PPARG: variants seen among roughly 807,000 people sequenced by gnomAD.
The protein encoded by PPARG is peroxisome proliferator-activated receptor gamma.
In PPARG, 17 loss-of-function variants were observed where a neutral mutation model predicts 39.2. The ratio of observed to expected loss-of-function variants is 0.43; its 90% CI spans 0.30 to 0.65. PPARG has a LOEUF of 0.65. PPARG is among the 30% of genes least tolerant of loss of function. PPARG has a pLI of 0.13. For synonymous variants in PPARG, 223 were observed against 215.7 expected (o/e 1.03, Z -0.30); for missense variants, 406 against 585.9 (o/e 0.69, Z 3.17).
intron 2 of PPARG, among the ~76,000 whole-genome samples, chr3:12,362,227 A>ATC (rs1254765274): frequency 6.6e-6 from 1 of 152,140 alleles, no homozygotes; most frequent in Non-Finnish European, 1.5e-5. Context: ...ATTTTTAAAA[A>ATC]CACAGTCTGC....
chr3:12,350,695 C>T (rs1356907022), intron 2 of PPARG, among the ~76,000 whole-genome samples: 1 of 152,166 alleles, frequency 6.6e-6, no homozygotes, highest in Non-Finnish European at 1.5e-5. Context: ...AACCTAACAG[C>T]GTAAGTCTAT....
At chr3:12,335,187 G>A (rs1047990978) in intron 2 of PPARG, among the ~76,000 whole-genome samples, 1 of 152,216 alleles carries the variant, frequency 6.6e-6, no homozygotes, top group African/African-American at 2.4e-5. Context: ...TGTGAGCACT[G>A]GTACCATCAA....
intron 4 of PPARG, among the ~76,000 whole-genome samples, chr3:12,386,862 C>T (rs949946926): frequency 6.6e-6 from 1 of 151,954 alleles, no homozygotes; most frequent in African/African-American, 2.4e-5. Flanking sequence ...AATGCTATCC[C>T]TCCCCCAACC....
intron 1 of PPARG, among the ~76,000 whole-genome samples, chr3:12,310,107 A>T (rs1476719321): frequency 6.6e-6 from 1 of 152,188 alleles, no homozygotes; most frequent in Non-Finnish European, 1.5e-5. Flanking sequence ...GATACAGTGC[A>T]GTTCTGAATG....
intron 2 of PPARG, among the ~76,000 whole-genome samples, chr3:12,344,506 G>T (rs2048274321): frequency 6.6e-6 from 1 of 152,274 alleles, no homozygotes; most frequent in East Asian, 1.9e-4. Context: ...TCAAAATTAA[G>T]TTTATTATGT....
intron 1 of PPARG, among the ~76,000 whole-genome samples, chr3:12,297,249 A>G (rs2046810285): frequency 6.6e-6 from 1 of 152,216 alleles, no homozygotes; most frequent in Non-Finnish European, 1.5e-5. Context: ...AACTCTGAAG[A>G]ATATTTAAAA....
intron 1 of PPARG, among the ~76,000 whole-genome samples, chr3:12,298,298 C>CAAAAAAAAAAAAAAAAA (rs58459399): frequency 7.3e-5 from 3 of 41,358 alleles, no homozygotes; most frequent in African/African-American, 1.6e-4. Context: ...GACTCTGTCT[C>CAAAAAAAAAAAAAAAAA]AAAAAAAAAA....
chr3:12,316,202 C>A (rs1559490869), intron 2 of PPARG, among the ~76,000 whole-genome samples: 1 of 152,090 alleles, frequency 6.6e-6, no homozygotes, highest in African/African-American at 2.4e-5. Flanking sequence ...CGTACTTTGG[C>A]GTCTGAAAAT....
intron 2 of PPARG, among the ~76,000 whole-genome samples, chr3:12,313,970 C>T (rs1467477576): frequency 6.6e-6 from 1 of 152,086 alleles, no homozygotes; most frequent in Non-Finnish European, 1.5e-5. Context: ...ATGCAACTTC[C>T]ACTAATACTA....
At chr3:12,394,748 G>A (rs1464270170) in intron 5 of PPARG, among the ~76,000 whole-genome samples, 2 of 152,162 alleles carry the variant, frequency 1.3e-5, no homozygotes, top group Non-Finnish European at 2.9e-5. Context: ...GATTAGTTTT[G>A]CCTGTTAGCT....
rs1575090510 is a variant in PPARG, at chr3:12,382,935, C to T, written c.390+1444C>T. Among the ~76,000 whole-genome samples the T allele has an allele frequency of 2.6e-5, 4 of 152,254 alleles. No individual in the cohort carries two copies. The South Asian group carries it at 6.2e-4, about 24-fold the overall frequency. On this transcript the variant is annotated intron_variant, in intron 4 of 7. Coordinates refer to ENST00000651735, the MANE Select transcript of PPARG (RefSeq NM_138711.6). ...GCAGTGAGCTATGATCATACCACTGCACTCCAGCCTGGGTCACAAAAGCAA... is the reference window on the plus strand; with the variant it reads ...GCAGTGAGCTATGATCATACCACTGTACTCCAGCCTGGGTCACAAAAGCAA...
At chr3:12,374,640 A>T (rs1274275669) in intron 2 of PPARG, among the ~76,000 whole-genome samples, 1 of 152,122 alleles carries the variant, frequency 6.6e-6, no homozygotes, top group Non-Finnish European at 1.5e-5. Context: ...ACTATGCAAC[A>T]GAAAGAGCAA....
At chr3:12,337,823 A>G (rs1322389166) in intron 2 of PPARG, among the ~76,000 whole-genome samples, 1 of 152,246 alleles carries the variant, frequency 6.6e-6, no homozygotes, top group East Asian at 1.9e-4. Flanking sequence ...AATACGGTAT[A>G]AACAACTATT....
chr3:12,303,219 T>G (rs1433321940), intron 1 of PPARG, among the ~76,000 whole-genome samples: 1 of 151,644 alleles, frequency 6.6e-6, no homozygotes, highest in East Asian at 1.9e-4. Flanking sequence ...TTTTTGGAGA[T>G]GGAGTCTCAC....
At chr3:12,307,055 G>A (rs182907398) in intron 1 of PPARG, among the ~76,000 whole-genome samples, 27 of 128,694 alleles carry the variant, frequency 2.1e-4, no homozygotes, top group Non-Finnish European at 3.9e-4. Context: ...CCGAGATCGC[G>A]CCACTGCACT....
At chr3:12,292,808 G>C (rs369618529) in intron 1 of PPARG, among the ~76,000 whole-genome samples, 2 of 152,136 alleles carry the variant, frequency 1.3e-5, no homozygotes, top group East Asian at 1.9e-4. Context: ...GCTTGTGTGC[G>C]TGGGCCCCGG....
chr3:12,390,449 A>T (rs539501254), intron 4 of PPARG, among the ~76,000 whole-genome samples: 2 of 152,162 alleles, frequency 1.3e-5, no homozygotes, highest in East Asian at 3.8e-4. Context: ...CTATATAATT[A>T]TGAAAATGAG....
intron 4 of PPARG, among the ~76,000 whole-genome samples, chr3:12,390,814 A>C (rs2050050063): frequency 2.0e-5 from 3 of 151,396 alleles, no homozygotes; most frequent in Admixed American, 2.0e-4. Flanking sequence ...CACCTGCCTA[A>C]ATTTTTTGTA....
chr3:12,371,839 T>G (rs1227399573), intron 2 of PPARG: 1 of 678,016 alleles, frequency 1.5e-6, no homozygotes, highest in South Asian at 1.5e-5. Context: ...AAAACAGCCT[T>G]TTCTGCTGTA....
Sources: gnomAD v4.1 joint callset for allele counts (sites outside exome capture counted in the v4.1 genomes callset) on GRCh38, gnomAD v4.1.1 for gene constraint, MANE v1.5 for transcripts, NCBI Gene and HGNC (gene_info 2026-07-23, HGNC 2026-07-21) for gene names.